The following CCDC92 variants were observed in gnomAD, a reference collection of about 807,000 sequenced individuals.
CCDC92 encodes the protein coiled-coil domain containing 92, also known as coiled-coil domain-containing protein 92.
A neutral mutation model predicts 24.9 loss-of-function variants in CCDC92; 12 were observed. That is an observed-to-expected ratio of 0.48 (90% CI 0.31 to 0.78). CCDC92 has a LOEUF of 0.78. Ranked by LOEUF, CCDC92 falls within the 30% of genes least tolerant of loss-of-function variation. The pLI, the probability that CCDC92 is intolerant of heterozygous loss-of-function variation, is 0.05. For synonymous variants in CCDC92, 193 were observed against 196.3 expected (o/e 0.98, Z 0.14); for missense variants, 399 against 439.4 (o/e 0.91, Z 0.82).
At chr12:123,966,784 C>T (rs1956402295) in intron 1 of CCDC92, among the ~76,000 whole-genome samples, 1 of 152,220 alleles carries the variant, frequency 6.6e-6, no homozygotes, top group African/African-American at 2.4e-5. Context: ...AGGCACTCTG[C>T]TCTAACCACA....
chr12:123,962,822 A>C (rs1017529416), intron 1 of CCDC92: 2 of 152,102 alleles, frequency 1.3e-5, no homozygotes, highest in Admixed American at 1.3e-4. Context: ...ATCTACAGTC[A>C]TTGTTTTATG....
chr12:123,937,930 C>G lies in CCDC92; in HGVS notation c.224-100G>C. 7.9e-7 allele frequency: 1 copy of G among 1,263,278 alleles called. No individual in the cohort carries two copies. The highest frequency in any genetic ancestry group is 2.3e-5 in the Admixed American group (1 of 44,436). The allele number at this position is 1,263,278 out of a possible 1,614,324, so 78.3% of individuals were successfully genotyped here. On this transcript the variant is annotated intron_variant, in intron 4 of 4. Transcript: ENST00000238156. The surrounding 1 kb of genome is among the most constrained non-coding windows in gnomAD (Gnocchi z 8.4). Reference sequence around the variant, plus strand: ...CGGACCTGTCTGGTGGGGGCCCTGTCTAGGCTGTGGGGGCCATGCAGAAGG... The same window carrying G: ...CGGACCTGTCTGGTGGGGGCCCTGTGTAGGCTGTGGGGGCCATGCAGAAGG...
chr12:123,941,503 G>A (rs1412334774), intron 4 of CCDC92, among the ~76,000 whole-genome samples: 1 of 152,222 alleles, frequency 6.6e-6, no homozygotes, highest in African/African-American at 2.4e-5. Context: ...TCTTTTACAA[G>A]GAACTGGACA....
intron 1 of CCDC92, among the ~76,000 whole-genome samples, chr12:123,952,834 T>C (rs564206735): frequency 6.6e-6 from 1 of 152,320 alleles, no homozygotes; most frequent in East Asian, 1.9e-4. Flanking sequence ...AGATAAAACA[T>C]CTTGTTGGTT....
intron 1 of CCDC92, among the ~76,000 whole-genome samples, chr12:123,958,187 G>T (rs1308233875): frequency 6.6e-6 from 1 of 152,102 alleles, no homozygotes; most frequent in Non-Finnish European, 1.5e-5. Flanking sequence ...CAGAGTAGCA[G>T]GGATGACAGG....
chr12:123,957,913 G>C (rs1956188824), intron 1 of CCDC92, among the ~76,000 whole-genome samples: 1 of 151,600 alleles, frequency 6.6e-6, no homozygotes, highest in Non-Finnish European at 1.5e-5. Flanking sequence ...CGCCATGGCT[G>C]GTCTCGAATT....
rs1955528151 is a variant in CCDC92 at position 123,937,177 on chromosome 12, G to A, written c.877C>T (p.His293Tyr). The A allele has an allele frequency of 2.5e-6, 4 of 1,610,038 alleles. No individual in the cohort carries two copies. Among genetic ancestry groups the A allele is most frequent in the Middle Eastern group, 1.6e-4 (1 of 6,082 alleles). The stretch of plus-strand genomic sequence containing the variant: ...GGCGGGGTGGCGTGGTGGATCCGAT[G>A]TGCCACCCCGACGTGGGCCTTGTGC... Reference protein sequence around the residue: ...KPHKAHVGVAHRIHHATPPQA... With the variant: ...KPHKAHVGVAYRIHHATPPQA... The change falls in exon 5 of 5, where the codon CAT becomes TAT. Residue 293 changes from histidine (H) to tyrosine (Y), a missense_variant. His to Tyr is a moderately conservative substitution (Grantham distance 83). Coordinates refer to ENST00000238156, the MANE Select transcript of CCDC92 (RefSeq NM_025140.3). The surrounding 1 kb of genome is among the most constrained non-coding windows in gnomAD (Gnocchi z 8.4).
chr12:123,944,957 T>G (rs1035492638), intron 1 of CCDC92: 8 of 151,848 alleles, frequency 5.3e-5, no homozygotes, highest in Non-Finnish European at 1.5e-5. Context: ...ATCAGAAGCC[T>G]TGGAATTGGT....
At chr12:123,953,607 T>C (rs1956080128) in intron 1 of CCDC92, among the ~76,000 whole-genome samples, 1 of 152,124 alleles carries the variant, frequency 6.6e-6, no homozygotes, top group Admixed American at 6.5e-5. Context: ...TGAAACTCTG[T>C]CTATACTAAA....
intron 1 of CCDC92, among the ~76,000 whole-genome samples, chr12:123,958,305 G>A (rs1180906762): frequency 1.3e-5 from 2 of 151,970 alleles, no homozygotes; most frequent in Non-Finnish European, 1.5e-5. Flanking sequence ...CTCCTGCCTC[G>A]GCCTCCCAAA....
At chr12:123,969,461 G>GT (rs60485501) in intron 1 of CCDC92, among the ~76,000 whole-genome samples, 3,049 of 93,066 alleles carry the variant, frequency 0.033, 347 homozygotes, top group Non-Finnish European at 0.04. Context: ...CTCTTATTCA[G>GT]TTTTTTTTTT....
chr12:123,942,683 G>T, intron 4 of CCDC92, 61 bp downstream of exon 4: 1 of 1,307,266 alleles, frequency 7.6e-7, no homozygotes. Flanking sequence ...AGTGAAAACG[G>T]CACCAACACG....
intron 4 of CCDC92, 86 bp downstream of exon 4, chr12:123,942,658 C>A: frequency 9.9e-7 from 1 of 1,010,806 alleles, no homozygotes; most frequent in Non-Finnish European, 1.6e-6. Context: ...AGCATTTTCT[C>A]CTAAGTGTGT....
At chr12:123,948,689 G>T (rs531063802) in intron 1 of CCDC92, among the ~76,000 whole-genome samples, 2 of 152,306 alleles carry the variant, frequency 1.3e-5, no homozygotes, top group South Asian at 4.1e-4. Context: ...ATCTGTGCAG[G>T]GCATTCTACA....
chr12:123,943,756 G>T (rs1410442481), intron 2 of CCDC92: 2 of 551,704 alleles, frequency 3.6e-6, no homozygotes, highest in Non-Finnish European at 6.5e-6. Context: ...ACATGAATGA[G>T]TGAGGCCCAC....
chr12:123,971,696 A>C (rs996027944), intron 1 of CCDC92: 1 of 152,256 alleles, frequency 6.6e-6, no homozygotes, highest in African/African-American at 2.4e-5. Flanking sequence ...ACTTGAAATG[A>C]AACAATACAG....
rs115537570 is a variant in CCDC92 at position 123,963,070 on chromosome 12, G to C, written c.-60+9459C>G. On this transcript the variant is annotated intron_variant, in intron 1 of 4. Coordinates refer to ENST00000238156, the MANE Select transcript of CCDC92 (RefSeq NM_025140.3). ...GGAGATGCTTTGGGCTGTCATGAGC[G>C]TGTGGGTGGGTGCCACCAGCATCTA... Among the ~76,000 whole-genome samples, 607 of 152,266 alleles carry C rather than the reference G, an allele frequency of 4.0e-3. 4 individuals are homozygous for C. The highest frequency in any genetic ancestry group is 0.014 in the African/African-American group (587 of 41,558).
At chr12:123,957,996 G>A (rs182681600) in intron 1 of CCDC92, among the ~76,000 whole-genome samples, 98 of 152,012 alleles carry the variant, frequency 6.4e-4, no homozygotes, top group African/African-American at 2.3e-3. Context: ...ACCACTCTCG[G>A]CCTATTACTT....
intron 4 of CCDC92, among the ~76,000 whole-genome samples, chr12:123,939,899 C>G (rs1955634090): frequency 6.6e-6 from 1 of 152,248 alleles, no homozygotes; most frequent in African/African-American, 2.4e-5. Context: ...GTCCTTCCCC[C>G]AGGGCCTGTG....
Sources: allele counts gnomAD v4.1 joint callset (sites outside exome capture counted in the v4.1 genomes callset), GRCh38; gene constraint gnomAD v4.1.1; non-coding constraint Gnocchi (gnomAD v3.1); transcripts MANE v1.5; gene names NCBI Gene and HGNC (gene_info 2026-07-23, HGNC 2026-07-21).